Variants in SLC35C1 observed in about 807,000 individuals in gnomAD.
SLC35C1 encodes GDP-fucose transporter 1.
A neutral mutation model predicts 23.2 loss-of-function variants in SLC35C1; 8 were observed. That is an observed-to-expected ratio of 0.35 (90% CI 0.20 to 0.62). The LOEUF is 0.62. SLC35C1 is among the 20% of genes least tolerant of loss of function. The pLI, the probability that SLC35C1 is intolerant of heterozygous loss-of-function variation, is 0.75. For synonymous variants in SLC35C1, 226 were observed against 225.1 expected (o/e 1.00, Z -0.04); for missense variants, 422 against 478.6 (o/e 0.88, Z 1.10).
chr11:45,808,501 A>T (rs1440729893), intron 1 of SLC35C1, among the ~76,000 whole-genome samples: 1 of 151,902 alleles, frequency 6.6e-6, no homozygotes, highest in African/African-American at 2.4e-5. Flanking sequence ...ACACAGTCTC[A>T]AAAAAAAGTT....
chr11:45,805,697 A>C lies in SLC35C1; in HGVS notation c.-105A>C. The C allele has an allele frequency of 6.3e-7, 1 of 1,589,450 alleles. No homozygotes were observed. Among genetic ancestry groups the C allele is most frequent in the Non-Finnish European group, 8.5e-7 (1 of 1,175,738 alleles). On this transcript the variant is annotated 5_prime_UTR_variant, in exon 1 of 2. Transcript: ENST00000314134. ...GCCTTTAGGCCAGCCCACATGTGACAATGGAGGGCTGCGGCTTCCTTGCGG... is the reference window on the plus strand; with the variant it reads ...GCCTTTAGGCCAGCCCACATGTGACCATGGAGGGCTGCGGCTTCCTTGCGG...
chr11:45,811,687 A>G lies in SLC35C1; in HGVS notation c.*352A>G. 1 of 222,446 alleles carries G rather than the reference A, an allele frequency of 4.5e-6. No individual in the cohort carries two copies. The highest frequency in any genetic ancestry group is 9.0e-6 in the Non-Finnish European group (1 of 111,662). The allele number at this position is 222,446 out of a possible 1,614,324, so 13.8% of individuals were successfully genotyped here. A position where few individuals can be genotyped will look rare whatever the true frequency, so the allele number is the denominator to read the frequency against. Reference sequence around the variant, plus strand: ...TCCACATCACTCTGAGGACAGGGACAGGCAACAACCTTGAAGGGACAGCAA... The same window carrying G: ...TCCACATCACTCTGAGGACAGGGACGGGCAACAACCTTGAAGGGACAGCAA... On this transcript the variant is annotated 3_prime_UTR_variant, in exon 2 of 2. Coordinates refer to ENST00000314134, the MANE Select transcript of SLC35C1 (RefSeq NM_018389.5).
intron 1 of SLC35C1, chr11:45,810,329 C>T (rs1021300143): frequency 2.1e-5 from 21 of 985,330 alleles, no homozygotes; most frequent in Non-Finnish European, 2.5e-5. Flanking sequence ...GTCATTTACG[C>T]AGGGTCACCT....
In SLC35C1 at chr11:45,806,134, C is replaced by A. The variant is rs751146958; in HGVS notation, c.333C>A (p.Leu111=). 3 of 1,607,882 alleles carry A rather than the reference C, an allele frequency of 1.9e-6. No homozygotes were observed. The highest frequency in any genetic ancestry group is 1.7e-6 in the Non-Finnish European group (2 of 1,179,980). ...ACTTCCCCAGCTTGCGCCTGGACCT[C>A]AGGGTGGCCCGCAGCGTCCTGCCCC... ...AVDFPSLRLD[L]RVARSVLPLS... Residue 111 remains leucine, a synonymous_variant, in exon 1 of 2, where the codon CTC becomes CTA. Transcript: ENST00000314134.
At position 45,811,118 on chromosome 11, in the gene SLC35C1, C is replaced by T. The variant is rs372897536; in HGVS notation, c.878C>T (p.Pro293Leu). ...VTGLQIKFTSPLTHNVSGTAK... is the reference protein window; with the variant it reads ...VTGLQIKFTSLLTHNVSGTAK... Reference sequence around the variant, plus strand: ...GGACTGCAGATCAAGTTCACCAGTCCGCTGACCCACAATGTGTCGGGCACG... The same window carrying T: ...GGACTGCAGATCAAGTTCACCAGTCTGCTGACCCACAATGTGTCGGGCACG... The change falls in exon 2 of 2, where the codon CCG becomes CTG. Residue 293 changes from proline to leucine, a missense_variant. Pro to Leu is a moderately conservative substitution (Grantham distance 98, BLOSUM62 -3). Coordinates refer to ENST00000314134, the MANE Select transcript of SLC35C1 (RefSeq NM_018389.5). The T allele has an allele frequency of 2.4e-5, 39 of 1,613,112 alleles. No homozygotes were observed. Among genetic ancestry groups the T allele is most frequent in the Non-Finnish European group, 3.0e-5 (35 of 1,180,042 alleles).
At position 45,811,339 on chromosome 11, in the gene SLC35C1, C is replaced by G; in HGVS notation, c.*4C>G. On this transcript the variant is annotated 3_prime_UTR_variant, in exon 2 of 2. Coordinates refer to ENST00000314134, the MANE Select transcript of SLC35C1 (RefSeq NM_018389.5). ...GAAGAGCGCCATGGGGGTGTGAGCA[C>G]CACAGGCACCCTGGATGGCCCGGCC... 6.7e-7 allele frequency: 1 copy of G among 1,501,004 alleles called. No individual in the cohort carries two copies. The highest frequency in any genetic ancestry group is 1.3e-5 in the South Asian group (1 of 75,174). The allele number at this position is 1,501,004 out of a possible 1,614,324, so 93.0% of individuals were successfully genotyped here. A position where few individuals can be genotyped will look rare whatever the true frequency, so the allele number is the denominator to read the frequency against.
In SLC35C1 at chr11:45,810,958, A is replaced by G. The variant is rs7130656; in HGVS notation, c.718A>G (p.Ile240Val). Residue 240 changes from isoleucine (I) to valine (V), a missense_variant, in exon 2 of 2, where the codon ATC (isoleucine) becomes GTC (valine). Transcript: ENST00000314134. ...LTFYNNVNAC[I>V]LFLPLLLLLG... ...TTTCTACAACAACGTCAACGCCTGC[A>G]TCCTCTTCCTGCCCCTGCTCCTGCT... The G allele has an allele frequency of 0.11, 173,159 of 1,612,700 alleles. 10,560 individuals are homozygous for G. Among genetic ancestry groups the G allele is most frequent in the African/African-American group, 0.2 (15,281 of 75,036 alleles).
upstream of SLC35C1, chr11:45,804,437 C>T (rs2085844880): frequency 1.0e-6 from 1 of 976,052 alleles, no homozygotes. Flanking sequence ...GCCAGGTCGC[C>T]TTCGCGGCCC....
chr11:45,809,853 TCACCATGGGCAGGG>T, intron 1 of SLC35C1: 1 of 985,374 alleles, frequency 1.0e-6, no homozygotes, highest in Non-Finnish European at 1.2e-6. Context: ...GACCAGACTG[TCACCATGGGCAGGG>T]GCCCAGCAGC....
Position 45,805,534 on chromosome 11 carries a change from C to T in SLC35C1, c.-268C>T. The T allele has an allele frequency of 7.1e-7, 1 of 1,399,380 alleles. No individual in the cohort carries two copies. The highest frequency in any genetic ancestry group is 1.5e-5 in the South Asian group (1 of 66,786). The allele number at this position is 1,399,380 out of a possible 1,614,324, so 86.7% of individuals were successfully genotyped here. A position where few individuals can be genotyped will look rare whatever the true frequency, so the allele number is the denominator to read the frequency against. ...CCCTCACAGGTCTTCTCTGTCCTGG[C>T]CTCACCGCCTTATCCTATTCCTCTC... On this transcript the variant is annotated 5_prime_UTR_variant, in exon 1 of 2. Coordinates refer to ENST00000314134, the MANE Select transcript of SLC35C1 (RefSeq NM_018389.5).
chr11:45,810,508 G>A, intron 1 of SLC35C1: 2 of 985,398 alleles, frequency 2.0e-6, no homozygotes, highest in Non-Finnish European at 2.4e-6. Context: ...GAAGTAACTG[G>A]GAAGATTTGT....
chr11:45,805,137 C>G (rs530622849), upstream of SLC35C1: 12 of 986,516 alleles, frequency 1.2e-5, no homozygotes, highest in Non-Finnish European at 1.3e-5. Context: ...GCCCGCCTCC[C>G]GGGGAGTCGG....
At position 45,812,712 on chromosome 11, in the gene SLC35C1, G is replaced by A; in HGVS notation, c.*1377G>A. 2.2e-6 allele frequency: 1 copy of A among 450,584 alleles called. No homozygotes were observed. The highest frequency in any genetic ancestry group is 4.5e-6 in the Non-Finnish European group (1 of 223,092). 27.9% of individuals were successfully genotyped at this position (450,584 alleles called of 1,614,324 possible). ...CCTAATACTGTCACCTTGGGGGTGA[G>A]AATTCCAATGTGAATTTGCAGGGGG... On this transcript the variant is annotated 3_prime_UTR_variant, in exon 2 of 2. Coordinates refer to ENST00000314134, the MANE Select transcript of SLC35C1 (RefSeq NM_018389.5).
At chr11:45,809,799 T>C (rs2085918202) in intron 1 of SLC35C1, 14 of 985,426 alleles carry the variant, frequency 1.4e-5, no homozygotes, top group Non-Finnish European at 1.7e-5. Flanking sequence ...ATAACATGCA[T>C]TGTTCAGCCC....
chr11:45,812,299 T>C lies in SLC35C1; in HGVS notation c.*964T>C. On this transcript the variant is annotated 3_prime_UTR_variant, in exon 2 of 2. Transcript: ENST00000314134. Reference sequence around the variant, plus strand: ...CGCCCCTAGATCTCTGCAAGGGAGGTGTTACAGCTGGTTCTGAGCCGCTTG... The same window carrying C: ...CGCCCCTAGATCTCTGCAAGGGAGGCGTTACAGCTGGTTCTGAGCCGCTTG... 2 of 334,814 alleles carry C rather than the reference T, an allele frequency of 6.0e-6. No individual in the cohort carries two copies. Among genetic ancestry groups the C allele is most frequent in the South Asian group, 2.4e-5 (1 of 41,532 alleles). 20.7% of individuals were successfully genotyped at this position (334,814 alleles called of 1,614,324 possible). A position where few individuals can be genotyped will look rare whatever the true frequency, so the allele number is the denominator to read the frequency against.
At position 45,805,255 on chromosome 11, in the gene SLC35C1, C is replaced by G; in HGVS notation, c.-547C>G. ...TCCCGCGTCCTTCAGCCCCAAGCCCCGAGCCCCTCTGACCCTTCCGCAGCC... is the reference window on the plus strand; with the variant it reads ...TCCCGCGTCCTTCAGCCCCAAGCCCGGAGCCCCTCTGACCCTTCCGCAGCC... On this transcript the variant is annotated 5_prime_UTR_variant, in exon 1 of 2. Transcript: ENST00000314134. 2 of 1,004,180 alleles carry G rather than the reference C, an allele frequency of 2.0e-6. No individual in the cohort carries two copies. Among genetic ancestry groups the G allele is most frequent in the East Asian group, 1.0e-4 (1 of 9,892 alleles). The allele number at this position is 1,004,180 out of a possible 1,614,324, so 62.2% of individuals were successfully genotyped here.
At position 45,805,942 on chromosome 11, in the gene SLC35C1, C is replaced by T; in HGVS notation, c.141C>T (p.Leu47=). The stretch of plus-strand genomic sequence containing the variant: ...TGCAGATCGCGCTGGTGGTCTCCCT[C>T]TACTGGGTCACCTCCATCTCCATGG... ...RALQIALVVS[L]YWVTSISMVF... Residue 47 remains leucine, a synonymous_variant, in exon 1 of 2, where the codon CTC becomes CTT. Transcript: ENST00000314134. The T allele has an allele frequency of 6.2e-7, 1 of 1,614,220 alleles. No individual in the cohort carries two copies. Among genetic ancestry groups the T allele is most frequent in the Non-Finnish European group, 8.5e-7 (1 of 1,180,034 alleles).
chr11:45,811,137 G>T lies in SLC35C1; in HGVS notation c.897G>T (p.Ser299=). 1 of 1,612,010 alleles carries T rather than the reference G, an allele frequency of 6.2e-7. No homozygotes were observed. The highest frequency in any genetic ancestry group is 1.7e-5 in the Admixed American group (1 of 60,032). ...CCAGTCCGCTGACCCACAATGTGTC[G>T]GGCACGGCCAAGGCCTGTGCCCAGA... ...KFTSPLTHNV[S]GTAKACAQTV... The change falls in exon 2 of 2, where the codon TCG becomes TCT. Residue 299 remains serine, a synonymous_variant. Transcript: ENST00000314134.
intron 1 of SLC35C1, among the ~76,000 whole-genome samples, chr11:45,808,990 G>A (rs2085907146): frequency 1.3e-5 from 2 of 152,228 alleles, no homozygotes; most frequent in East Asian, 1.9e-4. Context: ...GTGACACAGC[G>A]AGACTCCGTC....
Sources: allele counts gnomAD v4.1 joint callset (sites outside exome capture counted in the v4.1 genomes callset), GRCh38; gene constraint gnomAD v4.1.1; transcripts MANE v1.5; gene names NCBI Gene and HGNC (gene_info 2026-07-23, HGNC 2026-07-21).